KCNE1: variants seen among roughly 807,000 people sequenced by gnomAD.
The protein encoded by KCNE1 is potassium voltage-gated channel subfamily E regulatory subunit 1, also known as potassium voltage-gated channel subfamily E member 1.
KCNE1 carries 1 observed loss-of-function variant against 2.9 expected under a neutral mutation model. The ratio of observed to expected loss-of-function variants is 0.34; its 90% CI spans 0.12 to 1.62. KCNE1 has a LOEUF of 1.62. Ranked by LOEUF, KCNE1 falls within the 40% of genes most tolerant of loss-of-function variation. KCNE1 has a pLI of 0.36. For missense variants in KCNE1, 45 were observed against 150.5 expected, an observed-to-expected ratio of 0.30 and a Z score of 3.67; for synonymous variants, 23 against 65.4, an observed-to-expected ratio of 0.35 and a Z score of 3.13.
intron 2 of KCNE1, among the ~76,000 whole-genome samples, chr21:34,501,028 C>T (rs556417044): frequency 2.6e-5 from 4 of 152,290 alleles, no homozygotes; most frequent in Admixed American, 6.5e-5. Context: ...CCACTTTTGT[C>T]CCAAAGCTAC....
intron 2 of KCNE1, among the ~76,000 whole-genome samples, chr21:34,503,132 A>G (rs1360270082): frequency 6.6e-6 from 1 of 152,166 alleles, no homozygotes; most frequent in Non-Finnish European, 1.5e-5. Flanking sequence ...TTGCACACCA[A>G]TTGCAAGCCC....
Position 34,504,680 on chromosome 21 carries a change from C to G in KCNE1, c.-162+6421G>C, listed in dbSNP as rs569111313. 7.2e-5 allele frequency among the ~76,000 whole-genome samples: 11 copies of G among 152,268 alleles called. No individual in the cohort carries two copies. The East Asian group carries it at 1.2e-3, about 16-fold the overall frequency. On this transcript the variant is annotated intron_variant, in intron 2 of 3. Transcript: ENST00000399286. Reference sequence around the variant, plus strand: ...GTTCATCAACTGATGAATGAACTGACACAATGTGGTCTATCCAGACAATGG... The same window carrying G: ...GTTCATCAACTGATGAATGAACTGAGACAATGTGGTCTATCCAGACAATGG...
intron 2 of KCNE1, among the ~76,000 whole-genome samples, chr21:34,498,879 A>G (rs2123507021): frequency 6.6e-6 from 1 of 152,356 alleles, no homozygotes. Flanking sequence ...CAGTAGTAGT[A>G]GAGGGATCTA....
intron 2 of KCNE1, among the ~76,000 whole-genome samples, chr21:34,499,658 C>G (rs1276526866): frequency 2.0e-5 from 3 of 152,202 alleles, no homozygotes; most frequent in Admixed American, 1.3e-4. Flanking sequence ...TCCATTTCAG[C>G]TGTAGATACG....
At chr21:34,500,005 G>T (rs1442517254) in intron 2 of KCNE1, among the ~76,000 whole-genome samples, 1 of 152,078 alleles carries the variant, frequency 6.6e-6, no homozygotes, top group Non-Finnish European at 1.5e-5. Flanking sequence ...ATAGAGACAA[G>T]GTCTCACAAT....
chr21:34,500,465 A>C (rs1983096665), intron 2 of KCNE1, among the ~76,000 whole-genome samples: 1 of 152,176 alleles, frequency 6.6e-6, no homozygotes, highest in African/African-American at 2.4e-5. Context: ...TTGTGTGTAC[A>C]ATTTTGGACT....
At chr21:34,508,345 T>A (rs115121733) in intron 2 of KCNE1, among the ~76,000 whole-genome samples, 2,295 of 151,850 alleles carry the variant, frequency 0.015, 59 homozygotes, top group African/African-American at 0.051. Flanking sequence ...TATTTTATTT[T>A]ATTTATTTAT....
At chr21:34,507,941 G>T (rs1415284592) in intron 2 of KCNE1, among the ~76,000 whole-genome samples, 1 of 152,166 alleles carries the variant, frequency 6.6e-6, no homozygotes, top group Non-Finnish European at 1.5e-5. Context: ...TTTGTTTCAT[G>T]CATGCTTGCT....
chr21:34,500,393 A>G (rs1042771519), intron 2 of KCNE1, among the ~76,000 whole-genome samples: 15 of 152,220 alleles, frequency 9.9e-5, no homozygotes, highest in Admixed American at 7.8e-4. Context: ...CACGTTTGAC[A>G]GTTTCTTAAA....
intron 2 of KCNE1, among the ~76,000 whole-genome samples, chr21:34,503,400 G>A (rs1983283095): frequency 6.6e-6 from 1 of 152,202 alleles, no homozygotes; most frequent in East Asian, 1.9e-4. Context: ...AGCTCCACAT[G>A]TTCAGCTGTC....
intron 2 of KCNE1, among the ~76,000 whole-genome samples, chr21:34,507,614 T>C (rs992127472): frequency 3.3e-5 from 5 of 152,198 alleles, no homozygotes; most frequent in African/African-American, 1.2e-4. Context: ...TACCCCAGAA[T>C]GTCCCTTGCA....
chr21:34,508,169 G>A (rs1002381655), intron 2 of KCNE1, among the ~76,000 whole-genome samples: 1 of 151,278 alleles, frequency 6.6e-6, no homozygotes, highest in Non-Finnish European at 1.5e-5. Flanking sequence ...TGGGACTATA[G>A]GTGCATGCCA....
intron 2 of KCNE1, among the ~76,000 whole-genome samples, chr21:34,505,053 A>C (rs1050792632): frequency 2.0e-5 from 3 of 152,224 alleles, no homozygotes; most frequent in Admixed American, 2.0e-4. Context: ...TAAATGGGCG[A>C]ATTGTATACA....
intron 2 of KCNE1, among the ~76,000 whole-genome samples, chr21:34,503,274 T>C (rs889874032): frequency 6.6e-6 from 1 of 152,198 alleles, no homozygotes; most frequent in Non-Finnish European, 1.5e-5. Context: ...TTATCCCTTA[T>C]GATAAGGGAC....
chr21:34,502,385 T>A (rs1474839663), intron 2 of KCNE1, among the ~76,000 whole-genome samples: 1 of 152,250 alleles, frequency 6.6e-6, no homozygotes, highest in Non-Finnish European at 1.5e-5. Flanking sequence ...ATGAAGGAAC[T>A]GGCCTGAAAA....
intron 2 of KCNE1, among the ~76,000 whole-genome samples, chr21:34,506,684 C>T (rs1415492222): frequency 6.6e-6 from 1 of 152,240 alleles, no homozygotes; most frequent in Non-Finnish European, 1.5e-5. Context: ...TCCAAGCATT[C>T]TGCTAGGTGC....
chr21:34,508,753 T>C lies in KCNE1; in HGVS notation c.-162+2348A>G, dbSNP rs142163137. ...TAGTCATAGAAGTGAATATAAATGATGCAAAATGCAATACAGCTAGAGTCC... is the reference window on the plus strand; with the variant it reads ...TAGTCATAGAAGTGAATATAAATGACGCAAAATGCAATACAGCTAGAGTCC... On this transcript the variant is annotated intron_variant, in intron 2 of 3. Coordinates refer to ENST00000399286, the MANE Select transcript of KCNE1 (RefSeq NM_000219.6). Among the ~76,000 whole-genome samples the C allele has an allele frequency of 9.1e-3, 1,380 of 152,378 alleles. 21 individuals carry two copies. The highest frequency in any genetic ancestry group is 0.031 in the African/African-American group (1,290 of 41,590).
At chr21:34,504,743 GA>G (rs1323118645) in intron 2 of KCNE1, among the ~76,000 whole-genome samples, 2 of 152,192 alleles carry the variant, frequency 1.3e-5, no homozygotes, top group Non-Finnish European at 2.9e-5. Context: ...ACTTATACTT[GA>G]TATACCATGG....
At chr21:34,497,921 A>G (rs1375823852) in intron 2 of KCNE1, among the ~76,000 whole-genome samples, 2 of 151,788 alleles carry the variant, frequency 1.3e-5, no homozygotes. Flanking sequence ...GGGTTCATTC[A>G]AAAGTCTTGC....
Sources: gnomAD v4.1 joint callset for allele counts (sites outside exome capture counted in the v4.1 genomes callset) on GRCh38, gnomAD v4.1.1 for gene constraint, MANE v1.5 for transcripts, NCBI Gene and HGNC (gene_info 2026-07-23, HGNC 2026-07-21) for gene names.